PINX1: variants seen among roughly 807,000 people sequenced by gnomAD.
PINX1 encodes the protein PIN2 (TERF1) interacting telomerase inhibitor 1, also known as PIN2/TERF1-interacting telomerase inhibitor 1.
In PINX1, 34 loss-of-function variants were observed where a neutral mutation model predicts 25.4. That is an observed-to-expected ratio of 1.34 (90% CI 1.02 to 1.78). The LOEUF is 1.78. Ranked by LOEUF, PINX1 falls within the 40% of genes most tolerant of loss-of-function variation. PINX1 has a pLI of 0.00. For missense variants in PINX1, 592 were observed against 404.9 expected, an observed-to-expected ratio of 1.46 and a Z score of -3.97; for synonymous variants, 197 against 147.7, an observed-to-expected ratio of 1.33 and a Z score of -2.42.
At chr8:10,832,432 G>A (rs759572077) in intron 3 of PINX1, among the ~76,000 whole-genome samples, 1 of 152,154 alleles carries the variant, frequency 6.6e-6, no homozygotes, top group Non-Finnish European at 1.5e-5. Context: ...GGTTTACTGG[G>A]CAATGCTTCT....
chr8:10,827,830 G>A (rs1284118131), intron 4 of PINX1, among the ~76,000 whole-genome samples: 1 of 146,316 alleles, frequency 6.8e-6, no homozygotes. Context: ...AGAATGGCGT[G>A]AACCTGGGAG....
chr8:10,792,613 T>C (rs149139965), intron 6 of PINX1, among the ~76,000 whole-genome samples: 2 of 152,180 alleles, frequency 1.3e-5, no homozygotes, highest in Non-Finnish European at 2.9e-5. Context: ...CTCTCAGGAA[T>C]GGAATTCATG....
intron 1 of PINX1, among the ~76,000 whole-genome samples, chr8:10,835,553 T>C (rs1055079115): frequency 6.6e-6 from 1 of 152,230 alleles, no homozygotes; most frequent in Non-Finnish European, 1.5e-5. Context: ...GACCCCTCTT[T>C]GAACTTCTAG....
rs143195490 is a variant in PINX1, at chr8:10,803,501, T to C, written c.471+16692A>G. 5.1e-3 allele frequency among the ~76,000 whole-genome samples: 774 copies of C among 152,368 alleles called. 9 individuals are homozygous for C. The highest frequency in any genetic ancestry group is 0.024 in the South Asian group (116 of 4,828). On this transcript the variant is annotated intron_variant, in intron 6 of 6. Transcript: ENST00000314787. ...TATTCTTTCCCACAATCCCATATTTTTTTCATTCCACTGACTTATTGTAGA... is the reference window on the plus strand; with the variant it reads ...TATTCTTTCCCACAATCCCATATTTCTTTCATTCCACTGACTTATTGTAGA...
intron 4 of PINX1, among the ~76,000 whole-genome samples, chr8:10,828,508 G>C (rs1351575462): frequency 6.6e-6 from 1 of 152,106 alleles, no homozygotes; most frequent in Admixed American, 6.5e-5. Flanking sequence ...CCCGCGATGG[G>C]ACCGAAGCCC....
At chr8:10,832,618 A>G (rs911575000) in intron 3 of PINX1, among the ~76,000 whole-genome samples, 4 of 152,218 alleles carry the variant, frequency 2.6e-5, no homozygotes, top group Non-Finnish European at 5.9e-5. Flanking sequence ...CAGATTCCCT[A>G]CCAGATTATG....
At chr8:10,772,921 T>C (rs896217194) in intron 6 of PINX1, among the ~76,000 whole-genome samples, 11 of 134,718 alleles carry the variant, frequency 8.2e-5, no homozygotes, top group Admixed American at 5.4e-4. Context: ...GGCCTAGTTT[T>C]TAATGATTTT....
intron 6 of PINX1, among the ~76,000 whole-genome samples, chr8:10,779,585 T>A (rs1801518418): frequency 6.6e-6 from 1 of 152,188 alleles, no homozygotes; most frequent in Admixed American, 6.5e-5. Context: ...TTGGCATTAC[T>A]CTGTAACTAT....
intron 6 of PINX1, among the ~76,000 whole-genome samples, chr8:10,777,467 G>A (rs561927387): frequency 5.3e-5 from 8 of 152,264 alleles, no homozygotes; most frequent in African/African-American, 1.2e-4. Flanking sequence ...TTCTGTCCTC[G>A]GCACCTTATC....
chr8:10,796,361 G>A (rs1295915039), intron 6 of PINX1, among the ~76,000 whole-genome samples: 3 of 152,124 alleles, frequency 2.0e-5, no homozygotes, highest in Non-Finnish European at 4.4e-5. Flanking sequence ...TTCAACCAGA[G>A]TAGAGACACC....
intron 6 of PINX1, among the ~76,000 whole-genome samples, chr8:10,775,998 G>A (rs1228894443): frequency 1.3e-5 from 2 of 152,154 alleles, no homozygotes; most frequent in Non-Finnish European, 2.9e-5. Flanking sequence ...CCCTGGGGAT[G>A]CTAGAACTCT....
At position 10,782,787 on chromosome 8, in the gene PINX1, T is replaced by C. The variant is rs181705421; in HGVS notation, c.472-16871A>G. On this transcript the variant is annotated intron_variant, in intron 6 of 6. Coordinates refer to ENST00000314787, the MANE Select transcript of PINX1 (RefSeq NM_017884.6). Reference sequence around the variant, plus strand: ...CTCCCACTGGGTAGAAATGGAAAATTTGATCACCAATAAAGATAATAGCTG... The same window carrying C: ...CTCCCACTGGGTAGAAATGGAAAATCTGATCACCAATAAAGATAATAGCTG... 2.3e-3 allele frequency among the ~76,000 whole-genome samples: 234 copies of C among 99,628 alleles called. 1 individual carries two copies. The highest frequency in any genetic ancestry group is 5.4e-3 in the Middle Eastern group (1 of 186). 65.4% of individuals were successfully genotyped at this position (99,628 alleles called of 152,430 possible).
At chr8:10,777,871 C>T (rs1013632832) in intron 6 of PINX1, among the ~76,000 whole-genome samples, 17 of 152,148 alleles carry the variant, frequency 1.1e-4, no homozygotes, top group Admixed American at 3.3e-4. Flanking sequence ...GGAAAGACTG[C>T]GGGGTCCAGG....
intron 6 of PINX1, among the ~76,000 whole-genome samples, chr8:10,775,417 T>G (rs28478391): frequency 1.3e-4 from 19 of 146,140 alleles, no homozygotes; most frequent in African/African-American, 3.0e-4. Context: ...GTGGTTTTTT[T>G]TTTTTTTTTT....
At position 10,792,594 on chromosome 8, in the gene PINX1, A is replaced by G. The variant is rs1801958774; in HGVS notation, c.472-26678T>C. The stretch of plus-strand genomic sequence containing the variant: ...GATGAAGTAAAGCAGTTTACAACAA[A>G]CAGAAATACTCTCAGGAATGGAATT... On this transcript the variant is annotated intron_variant, in intron 6 of 6. Transcript: ENST00000314787. Among the ~76,000 whole-genome samples the G allele has an allele frequency of 3.3e-5, 5 of 152,232 alleles. No individual in the cohort carries two copies. The South Asian group carries it at 1.0e-3, about 32-fold the overall frequency.
chr8:10,832,938 T>C lies in PINX1; in HGVS notation c.176A>G (p.Gln59Arg), dbSNP rs1229470139. 3 of 1,612,252 alleles carry C rather than the reference T, an allele frequency of 1.9e-6. No individual in the cohort carries two copies. In the African/African-American group the frequency reaches 4.0e-5, roughly 22 times the overall value. The change falls in exon 3 of 7, where the codon CAA becomes CGA. Residue 59 changes from glutamine (Q) to arginine (R), a missense_variant. Gln to Arg is a conservative substitution (Grantham distance 43, BLOSUM62 1). Coordinates refer to ENST00000314787, the MANE Select transcript of PINX1 (RefSeq NM_017884.6). Reference sequence around the variant, plus strand: ...GAGTCCCAGGTGGTTATTTTTCACTTGAACTTTAATATGATCTGTGGCTCC... The same window carrying C: ...GAGTCCCAGGTGGTTATTTTTCACTCGAACTTTAATATGATCTGTGGCTCC... ...EQGATDHIKV[Q>R]VKNNHLGLGA... is the part of the protein sequence containing the mutation.
chr8:10,772,572 T>C (rs1489706594), intron 6 of PINX1, among the ~76,000 whole-genome samples: 2 of 152,208 alleles, frequency 1.3e-5, no homozygotes, highest in Non-Finnish European at 2.9e-5. Context: ...ATCGCTCACA[T>C]CTGGAATTAG....
chr8:10,795,469 C>T (rs543372205), intron 6 of PINX1, among the ~76,000 whole-genome samples: 4 of 152,316 alleles, frequency 2.6e-5, no homozygotes, highest in African/African-American at 4.8e-5. Context: ...GGCGCGATCT[C>T]GGCTCAGTGC....
chr8:10,789,969 C>G (rs187358846), intron 6 of PINX1, among the ~76,000 whole-genome samples: 1 of 152,302 alleles, frequency 6.6e-6, no homozygotes, highest in Admixed American at 6.5e-5. Context: ...AAAAACCCTA[C>G]AAGCCTAGGG....
Sources: gnomAD v4.1 joint callset for allele counts (sites outside exome capture counted in the v4.1 genomes callset) on GRCh38, gnomAD v4.1.1 for gene constraint, MANE v1.5 for transcripts, NCBI Gene and HGNC (gene_info 2026-07-23, HGNC 2026-07-21) for gene names.